RARB: variants seen among roughly 807,000 people sequenced by gnomAD.
RARB encodes the protein retinoic acid receptor beta.
Under a neutral mutation model 51.9 loss-of-function variants are expected in RARB, and 17 were observed. The observed-to-expected ratio is 0.33, with a 90% confidence interval of 0.22 to 0.49. RARB has a LOEUF of 0.49. RARB is among the 20% of genes least tolerant of loss of function. The pLI is 0.99. For synonymous variants in RARB, 215 were observed against 195.4 expected (o/e 1.10, Z -0.84); for missense variants, 369 against 550.8 (o/e 0.67, Z 3.30).
chr3:25,174,552 G>GA lies in RARB; in HGVS notation c.156dup (p.Cys53MetfsTer10). On this transcript the variant is annotated frameshift_variant, in exon 5 of 12. Coordinates refer to the RARB transcript ENST00000383772. LOFTEE classifies it high-confidence loss of function. ...CTTCATGGACATCCGCCTCCGAGTG[G>GA]ATGCAGCACCCCGTCGCCGGCAAGT... 1 of 1,352,094 alleles carries GA rather than the reference G, an allele frequency of 7.4e-7. No individual in the cohort carries two copies. The highest frequency in any genetic ancestry group is 1.5e-5 in the African/African-American group (1 of 67,856). The allele number at this position is 1,352,094 out of a possible 1,614,324, so 83.8% of individuals were successfully genotyped here.
chr3:25,524,394 G>T (rs1698546254), intron 3 of RARB, among the ~76,000 whole-genome samples: 1 of 152,128 alleles, frequency 6.6e-6, no homozygotes, highest in Non-Finnish European at 1.5e-5. Context: ...AGATGTAAAG[G>T]ATAATTTAAT....
At chr3:25,328,960 G>A (rs1030035428) in intron 5 of RARB, among the ~76,000 whole-genome samples, 3 of 152,210 alleles carry the variant, frequency 2.0e-5, no homozygotes, top group Non-Finnish European at 4.4e-5. Flanking sequence ...CTGCAAGGTG[G>A]CAGCGAGGCT....
At chr3:25,127,536 T>G (rs1699881279) in intron 3 of RARB, among the ~76,000 whole-genome samples, 1 of 152,096 alleles carries the variant, frequency 6.6e-6, no homozygotes, top group South Asian at 2.1e-4. Flanking sequence ...AAAGTACCAT[T>G]TTTTGCATCT....
At position 25,196,980 on chromosome 3, in the gene RARB, T is replaced by C. The variant is rs542611173; in HGVS notation, c.178+22405T>C. On this transcript the variant is annotated intron_variant, in intron 5 of 11. Coordinates refer to the RARB transcript ENST00000383772. ...TTCTGGATATTAGCCCTTTGTCAGA[T>C]GGATAGATTGCAAAAATTTTCTCCC... 2.0e-5 allele frequency among the ~76,000 whole-genome samples: 3 copies of C among 152,314 alleles called. No individual in the cohort carries two copies. The South Asian group carries it at 6.2e-4, about 32-fold the overall frequency.
chr3:24,834,920 T>C (rs1702324195), intron 1 of RARB, among the ~76,000 whole-genome samples: 1 of 152,156 alleles, frequency 6.6e-6, no homozygotes, highest in Non-Finnish European at 1.5e-5. Flanking sequence ...TCCTTTCCTT[T>C]TTCCTTTTTT....
At chr3:24,940,873 C>T (rs1227846761) in intron 2 of RARB, among the ~76,000 whole-genome samples, 1 of 152,070 alleles carries the variant, frequency 6.6e-6, no homozygotes, top group Non-Finnish European at 1.5e-5. Flanking sequence ...CTTATATATT[C>T]TTTGTGAAAA....
chr3:24,912,068 G>T (rs1695000039), intron 2 of RARB, among the ~76,000 whole-genome samples: 1 of 152,204 alleles, frequency 6.6e-6, no homozygotes, highest in South Asian at 2.1e-4. Context: ...TATGCACATG[G>T]TCGCTAAACA....
rs74410931 is a variant in RARB at position 25,189,996 on chromosome 3, C to T, written c.178+15421C>T. ...GCTTGCAGTGGGGCCAGAGTTAGAA[C>T]TGAATGAAGTAATGTTTAGGAGAGA... On this transcript the variant is annotated intron_variant, in intron 5 of 11. Transcript: ENST00000383772. 3.2e-4 allele frequency among the ~76,000 whole-genome samples: 49 copies of T among 152,164 alleles called. 3 individuals carry two copies. The East Asian group carries it at 9.3e-3, about 29-fold the overall frequency.
chr3:25,315,928 C>T (rs183621836), intron 5 of RARB, among the ~76,000 whole-genome samples: 1 of 152,190 alleles, frequency 6.6e-6, no homozygotes, highest in Admixed American at 6.6e-5. Context: ...CTACATTAAT[C>T]TCTGTCACCA....
At chr3:24,864,271 C>A (rs1702808281) in intron 2 of RARB, among the ~76,000 whole-genome samples, 1 of 152,146 alleles carries the variant, frequency 6.6e-6, no homozygotes, top group Non-Finnish European at 1.5e-5. Flanking sequence ...GTCAGACACA[C>A]CATCCATCCT....
intron 2 of RARB, among the ~76,000 whole-genome samples, chr3:25,045,726 GTTAC>G (rs1261787375): frequency 6.6e-6 from 1 of 152,228 alleles, no homozygotes; most frequent in Non-Finnish European, 1.5e-5. Context: ...AATTGAATCT[GTTAC>G]TTAGGGAAAT....
intron 5 of RARB, among the ~76,000 whole-genome samples, chr3:25,207,822 T>C (rs1408982463): frequency 1.3e-5 from 2 of 152,198 alleles, no homozygotes; most frequent in African/African-American, 4.8e-5. Context: ...CTTGAGTTGC[T>C]ACAAAGGAAC....
chr3:25,502,779 G>A (rs1397595945), intron 3 of RARB, among the ~76,000 whole-genome samples: 1 of 152,134 alleles, frequency 6.6e-6, no homozygotes. Flanking sequence ...ACCCCTGGTG[G>A]CCATCCTCCA....
intron 5 of RARB, among the ~76,000 whole-genome samples, chr3:25,280,096 A>C (rs1001532391): frequency 2.0e-5 from 3 of 152,206 alleles, no homozygotes; most frequent in Non-Finnish European, 4.4e-5. Context: ...CTTCATAAGG[A>C]AATGAAGACC....
chr3:25,171,643 T>TAAAAAAAAAACA (rs1700648175), intron 4 of RARB, among the ~76,000 whole-genome samples: 1 of 45,462 alleles, frequency 2.2e-5, no homozygotes, highest in Non-Finnish European at 4.0e-5. Context: ...CCCTGGTTGG[T>TAAAAAAAAAACA]AAAAAAAAAA....
chr3:25,177,937 G>A (rs1319619646), intron 5 of RARB, among the ~76,000 whole-genome samples: 1 of 152,098 alleles, frequency 6.6e-6, no homozygotes, highest in Non-Finnish European at 1.5e-5. Context: ...AAGGAAACTT[G>A]TACTTTAAAG....
chr3:25,333,107 T>G (rs949871090), intron 5 of RARB, among the ~76,000 whole-genome samples: 2 of 152,110 alleles, frequency 1.3e-5, no homozygotes, highest in African/African-American at 4.8e-5. Context: ...GTGCCCAAGG[T>G]AATTTATAGA....
At chr3:25,488,572 G>C (rs904708439) in intron 2 of RARB, among the ~76,000 whole-genome samples, 1 of 152,192 alleles carries the variant, frequency 6.6e-6, no homozygotes, top group Admixed American at 6.5e-5. Context: ...GGCAGGGTCT[G>C]ACACCCCATC....
chr3:25,137,045 G>A (rs1001234483), intron 4 of RARB, among the ~76,000 whole-genome samples: 5 of 152,002 alleles, frequency 3.3e-5, no homozygotes, highest in Non-Finnish European at 5.9e-5. Context: ...AACTGTTTGT[G>A]TAATCACTGA....
Sources: gnomAD v4.1 joint callset for allele counts (sites outside exome capture counted in the v4.1 genomes callset) on GRCh38, gnomAD v4.1.1 for gene constraint, MANE v1.5 for transcripts, NCBI Gene and HGNC (gene_info 2026-07-23, HGNC 2026-07-21) for gene names.